The following ASXL1 variants were observed in gnomAD, a reference collection of about 807,000 sequenced individuals.
The protein encoded by ASXL1 is polycomb group protein ASXL1.
A neutral mutation model predicts 89.1 loss-of-function variants in ASXL1; 65 were observed. The observed-to-expected ratio is 0.73, with a 90% CI of 0.60 to 0.90. ASXL1 has a LOEUF of 0.90. Among genes scored for constraint, ASXL1 ranks in the 40% least tolerant of loss-of-function variants. ASXL1 has a pLI of 0.00. For synonymous variants in ASXL1, 739 were observed against 746.9 expected, an observed-to-expected ratio of 0.99 and a Z score of 0.17; for missense variants, 1,786 against 1,942.9, an observed-to-expected ratio of 0.92 and a Z score of 1.52.
chr20:32,363,837 C>T (rs1260985391), intron 1 of ASXL1, among the ~76,000 whole-genome samples: 1 of 152,080 alleles, frequency 6.6e-6, no homozygotes, highest in Non-Finnish European at 1.5e-5. Context: ...TGTGTATTTG[C>T]AACGTGTGGG....
At chr20:32,378,024 C>G (rs1422798781) in intron 4 of ASXL1, among the ~76,000 whole-genome samples, 3 of 99,726 alleles carry the variant, frequency 3.0e-5, no homozygotes, top group African/African-American at 1.1e-4. Context: ...GAGTCTCACT[C>G]TGTCGCCCAG....
intron 4 of ASXL1, among the ~76,000 whole-genome samples, chr20:32,404,403 T>C (rs1487412532): frequency 6.6e-6 from 1 of 152,226 alleles, no homozygotes; most frequent in Non-Finnish European, 1.5e-5. Context: ...TGGTAAACTA[T>C]TATAAATGAA....
At position 32,434,839 on chromosome 20, in the gene ASXL1, C is replaced by T. The variant is rs140458480; in HGVS notation, c.2127C>T (p.Ala709=). The T allele has an allele frequency of 9.7e-5, 157 of 1,614,128 alleles. No homozygotes were observed. Among genetic ancestry groups the T allele is most frequent in the South Asian group, 9.0e-4 (82 of 91,086 alleles). Residue 709 remains alanine, a synonymous_variant, in exon 13 of 13, where the codon GCC becomes GCT. Coordinates refer to ENST00000375687, the MANE Select transcript of ASXL1 (RefSeq NM_015338.6). ...PYPLNGEHTQ[A]GTAMSRARRE... is the part of the protein sequence containing the mutation. ...CTCTAAATGGGGAGCATACCCAGGC[C>T]GGAACTGCCATGTCCAGAGCTAGGA...
In ASXL1 at chr20:32,429,757, G is replaced by T. The variant is rs1451427801; in HGVS notation, c.566-144G>T. On this transcript the variant is annotated intron_variant, in intron 7 of 12. Transcript: ENST00000375687. The surrounding 1 kb of genome is among the most constrained non-coding windows in gnomAD (Gnocchi z 4.9). ...TTTAAAGCCAGACCATGAAGTGGTG[G>T]TTTCTCTCAGCCTAAGGCTGGGAGA... is the stretch of plus-strand genomic sequence containing the variant. 1 of 1,181,030 alleles carries T rather than the reference G, an allele frequency of 8.5e-7. No individual in the cohort carries two copies. The highest frequency in any genetic ancestry group is 1.5e-5 in the African/African-American group (1 of 65,144). The allele number at this position is 1,181,030 out of a possible 1,614,324, so 73.2% of individuals were successfully genotyped here.
intron 4 of ASXL1, among the ~76,000 whole-genome samples, chr20:32,401,510 A>G (rs1312797619): frequency 6.7e-6 from 1 of 148,802 alleles, no homozygotes; most frequent in Non-Finnish European, 1.5e-5. Context: ...CAGCTATAGT[A>G]CTGAACCATA....
chr20:32,368,027 G>A (rs985382544), intron 3 of ASXL1, among the ~76,000 whole-genome samples: 1 of 152,198 alleles, frequency 6.6e-6, no homozygotes, highest in African/African-American at 2.4e-5. Flanking sequence ...GGCAAAATAA[G>A]TAATAGTTTT....
chr20:32,413,081 TGAG>T (rs2049078035), intron 4 of ASXL1, among the ~76,000 whole-genome samples: 1 of 151,810 alleles, frequency 6.6e-6, no homozygotes, highest in African/African-American at 2.4e-5. Context: ...GAGAAGAAAA[TGAG>T]GAAGTTTTCA....
In ASXL1 at chr20:32,429,093, G is replaced by T; in HGVS notation, c.472-245G>T. On this transcript the variant is annotated intron_variant, in intron 6 of 12. Transcript: ENST00000375687. This position sits in a 1 kb window ranked among gnomAD's most constrained non-coding sequence, Gnocchi z 4.9. ...CTGCACTTACTAGCCTTGAGACTTG[G>T]GGAAAATTCCTTACCTGTAAAATGG... is the stretch of plus-strand genomic sequence containing the variant. 1.9e-6 allele frequency: 1 copy of T among 514,532 alleles called. No homozygotes were observed. Among genetic ancestry groups the T allele is most frequent in the Non-Finnish European group, 3.5e-6 (1 of 282,726 alleles). The allele number at this position is 514,532 out of a possible 1,614,324, so 31.9% of individuals were successfully genotyped here.
chr20:32,436,061 C>T lies in ASXL1; in HGVS notation c.3349C>T (p.Pro1117Ser), dbSNP rs1172005201. 3 of 1,614,174 alleles carry T rather than the reference C, an allele frequency of 1.9e-6. No individual in the cohort carries two copies. Among genetic ancestry groups the T allele is most frequent in the South Asian group, 1.1e-5 (1 of 91,086 alleles). ...LVMQLLQGSL[P>S]LEKVLPPAHD... ...GATGCAGTTGCTGCAGGGTAGCTTG[C>T]CCCTAGAGAAGGTTCTTCCACCAGC... Residue 1117 changes from proline to serine, a missense_variant, in exon 13 of 13, where the codon CCC becomes TCC. Coordinates refer to ENST00000375687, the MANE Select transcript of ASXL1 (RefSeq NM_015338.6).
rs566661925 is a variant in ASXL1 at position 32,435,061 on chromosome 20, G to A, written c.2349G>A (p.Pro783=). ...TAGTGGAGCAGCCTCAGTTGCATCCGGATGTTAGAACTGAATGTGAGTCTG... is the reference window on the plus strand; with the variant it reads ...TAGTGGAGCAGCCTCAGTTGCATCCAGATGTTAGAACTGAATGTGAGTCTG... ...ERLVEQPQLH[P]DVRTECESGT... is the part of the protein sequence containing the mutation. Residue 783 remains proline, a synonymous_variant, in exon 13 of 13, where the codon CCG becomes CCA. Coordinates refer to ENST00000375687, the MANE Select transcript of ASXL1 (RefSeq NM_015338.6). 9.3e-6 allele frequency: 15 copies of A among 1,614,088 alleles called. No individual in the cohort carries two copies. Among genetic ancestry groups the A allele is most frequent in the African/African-American group, 4.0e-5 (3 of 75,024 alleles).
Position 32,434,905 on chromosome 20 carries a change from AC to A in ASXL1, c.2194del (p.Leu732TyrfsTer12), listed in dbSNP as rs771361072. The A allele has an allele frequency of 6.2e-7, 1 of 1,614,186 alleles. No homozygotes were observed. The highest frequency in any genetic ancestry group is 8.5e-7 in the Non-Finnish European group (1 of 1,180,026). Reference sequence around the variant, plus strand: ...CTCTGAGAAAGGAGGAAAGCTGCCTACTACAGAGGGCTACAGTTGGACTCAC... The same window carrying A: ...CTCTGAGAAAGGAGGAAAGCTGCCTATACAGAGGGCTACAGTTGGACTCAC... ...PSLRKEESCL[L>X]QRATVGLTDG... On this transcript the variant is annotated frameshift_variant, in exon 13 of 13. Coordinates refer to ENST00000375687, the MANE Select transcript of ASXL1 (RefSeq NM_015338.6). LOFTEE classifies it low-confidence loss of function (END_TRUNC).
chr20:32,389,608 C>T (rs2048637349), intron 4 of ASXL1, among the ~76,000 whole-genome samples: 1 of 152,072 alleles, frequency 6.6e-6, no homozygotes, highest in Non-Finnish European at 1.5e-5. Context: ...TTTTCTGAAA[C>T]AGAGTCTCGC....
At chr20:32,382,608 CAAA>C (rs11347237) in intron 4 of ASXL1, among the ~76,000 whole-genome samples, 1 of 95,982 alleles carries the variant, frequency 1.0e-5, no homozygotes. Flanking sequence ...CTCGTCTCTA[CAAA>C]AAAAAAAAAA....
At chr20:32,434,320 T>A in intron 12 of ASXL1, 112 bp from the exon 13 acceptor site, 1 of 1,329,544 alleles carries the variant, frequency 7.5e-7, no homozygotes, top group Non-Finnish European at 1.1e-6. Context: ...AAGGAAATTA[T>A]TTGATTCTGT....
intron 4 of ASXL1, chr20:32,427,812 C>T: frequency 5.2e-6 from 2 of 382,790 alleles, no homozygotes; most frequent in Non-Finnish European, 1.0e-5. Flanking sequence ...GACCCCCCTA[C>T]TTATTTGAGC....
At chr20:32,362,366 G>A (rs994242696) in intron 1 of ASXL1, among the ~76,000 whole-genome samples, 1 of 152,200 alleles carries the variant, frequency 6.6e-6, no homozygotes, top group Non-Finnish European at 1.5e-5. Flanking sequence ...GCTGTGCGCG[G>A]TGGCTCACGC....
Position 32,435,884 on chromosome 20 carries a change from G to A in ASXL1, c.3172G>A (p.Gly1058Arg), listed in dbSNP as rs760343023. ...CATGCGTCTGGTTACAAGGACAGAT[G>A]GGATGGTTGCTCCTCAGAGCTGGGT... is the stretch of plus-strand genomic sequence containing the variant. ...GDMRLVTRTD[G>R]MVAPQSWVSR... The change falls in exon 13 of 13, where the codon GGG (glycine) becomes AGG (arginine). Residue 1058 changes from glycine to arginine, a missense_variant. Gly to Arg is a moderately radical substitution (Grantham distance 125). Transcript: ENST00000375687. 19 of 1,614,220 alleles carry A rather than the reference G, an allele frequency of 1.2e-5. No individual in the cohort carries two copies. Among genetic ancestry groups the A allele is most frequent in the Non-Finnish European group, 1.4e-5 (17 of 1,180,034 alleles).
At position 32,411,215 on chromosome 20, in the gene ASXL1, C is replaced by CTTTTTTTTTTT. The variant is rs71187118; in HGVS notation, c.253-16897_253-16887dup. 9.4e-5 allele frequency among the ~76,000 whole-genome samples: 5 copies of CTTTTTTTTTTT among 53,440 alleles called. 2 individuals carry two copies. Among genetic ancestry groups the CTTTTTTTTTTT allele is most frequent in the African/African-American group, 1.6e-4 (2 of 12,870 alleles). The allele number at this position is 53,440 out of a possible 152,430, so 35.1% of individuals were successfully genotyped here. A position where few individuals can be genotyped will look rare whatever the true frequency, so the allele number is the denominator to read the frequency against. On this transcript the variant is annotated intron_variant, in intron 4 of 12. Transcript: ENST00000375687. ...TTTATTCGTTGTGAATTTATGGATT[C>CTTTTTTTTTTT]TTTTTTTTTTTTTTTTTTTTTTTTT...
chr20:32,423,766 C>T (rs938359731), intron 4 of ASXL1, among the ~76,000 whole-genome samples: 4 of 152,068 alleles, frequency 2.6e-5, no homozygotes, highest in African/African-American at 9.7e-5. Context: ...TCAGGCTGGT[C>T]TCGAACTCTG....
Sources: allele counts gnomAD v4.1 joint callset (sites outside exome capture counted in the v4.1 genomes callset), GRCh38; gene constraint gnomAD v4.1.1; non-coding constraint Gnocchi (gnomAD v3.1); transcripts MANE v1.5; gene names NCBI Gene and HGNC (gene_info 2026-07-23, HGNC 2026-07-21).